The following EHBP1 variants were observed in gnomAD, a reference collection of about 807,000 sequenced individuals.
EHBP1 encodes the protein EH domain-binding protein 1.
EHBP1 carries 55 observed loss-of-function variants against 144.0 expected under a neutral mutation model. The ratio of observed to expected loss-of-function variants is 0.38; its 90% CI spans 0.31 to 0.48. EHBP1 has a LOEUF of 0.48. Ranked by LOEUF, EHBP1 falls within the 20% of genes least tolerant of loss-of-function variation. The pLI, the probability that EHBP1 is intolerant of heterozygous loss-of-function variation, is 0.98. For missense variants in EHBP1, 1,200 were observed against 1,364.2 expected (o/e 0.88, Z 1.90); for synonymous variants, 469 against 472.7 (o/e 0.99, Z 0.10).
chr2:62,970,548 A>C (rs980525744), intron 14 of EHBP1, among the ~76,000 whole-genome samples: 5 of 152,176 alleles, frequency 3.3e-5, no homozygotes, highest in Non-Finnish European at 7.4e-5. Context: ...CATGTTTCTT[A>C]ATGATCTCAG....
At chr2:63,017,492 T>G (rs2060532073) in intron 19 of EHBP1, among the ~76,000 whole-genome samples, 1 of 152,216 alleles carries the variant, frequency 6.6e-6, no homozygotes, top group African/African-American at 2.4e-5. Flanking sequence ...AGAATTAAAT[T>G]AGATACTTTA....
upstream of EHBP1, among the ~76,000 whole-genome samples, chr2:62,703,480 G>T (rs2034338424): frequency 6.6e-6 from 1 of 152,148 alleles, no homozygotes; most frequent in African/African-American, 2.4e-5. Context: ...GTTATAGGGG[G>T]AAGAAGTAGC....
At chr2:62,832,867 G>C (rs904835198) in intron 7 of EHBP1, among the ~76,000 whole-genome samples, 66 of 152,130 alleles carry the variant, frequency 4.3e-4, no homozygotes, top group Non-Finnish European at 4.7e-4. Context: ...AGGAAGAGTT[G>C]CATGTATTTT....
At chr2:62,694,790 C>T (rs1044276988) in intron 1 of EHBP1, among the ~76,000 whole-genome samples, 8 of 152,076 alleles carry the variant, frequency 5.3e-5, no homozygotes, top group Admixed American at 3.9e-4. Flanking sequence ...CTTTTTTCTT[C>T]GACTTGCTCC....
chr2:62,813,673 T>C (rs1235877308), intron 5 of EHBP1, among the ~76,000 whole-genome samples: 3 of 152,200 alleles, frequency 2.0e-5, no homozygotes, highest in Non-Finnish European at 4.4e-5. Context: ...GTGGCTTTGC[T>C]CATGTGCCCC....
intron 1 of EHBP1, among the ~76,000 whole-genome samples, chr2:62,683,300 T>G (rs1273661754): frequency 1.3e-5 from 2 of 152,204 alleles, no homozygotes; most frequent in African/African-American, 4.8e-5. Context: ...CACAAGTTCC[T>G]AAGTTGAATT....
At chr2:62,768,810 T>G (rs1255623400) in intron 4 of EHBP1, among the ~76,000 whole-genome samples, 2 of 152,162 alleles carry the variant, frequency 1.3e-5, no homozygotes, top group Admixed American at 1.3e-4. Context: ...AAAAAGCTAA[T>G]CTACCACGAT....
rs1018566928 is a variant in EHBP1, at chr2:63,034,758, G to A, written c.3104-2777G>A. Among the ~76,000 whole-genome samples the A allele has an allele frequency of 3.3e-5, 5 of 151,216 alleles. No homozygotes were observed. The South Asian group carries it at 6.3e-4, about 19-fold the overall frequency. ...ATGCTTCATGCATATTCAAAGTACC[G>A]CACTGACAGCTCTTTAATGAGCTCT... On this transcript the variant is annotated intron_variant, in intron 19 of 22. Coordinates refer to ENST00000431489, the MANE Select transcript of EHBP1 (RefSeq NM_001142616.3).
chr2:62,771,442 T>C lies in EHBP1; in HGVS notation c.312+50T>C, dbSNP rs1350986682. The C allele has an allele frequency of 3.5e-6, 5 of 1,420,472 alleles. No homozygotes were observed. In the South Asian group the frequency reaches 6.9e-5, roughly 20 times the overall value. 88.0% of individuals were successfully genotyped at this position (1,420,472 alleles called of 1,614,324 possible). A position where few individuals can be genotyped will look rare whatever the true frequency, so the allele number is the denominator to read the frequency against. On this transcript the variant is annotated intron_variant, in intron 5 of 22. Transcript: ENST00000431489. ...CCTTTCACATTTTCAACTTTATATA[T>C]GCATTATTAAGGTACATTGGCATTT...
At chr2:62,849,355 C>T (rs2048518603) in intron 7 of EHBP1, among the ~76,000 whole-genome samples, 1 of 152,168 alleles carries the variant, frequency 6.6e-6, no homozygotes, top group South Asian at 2.1e-4. Flanking sequence ...CCTTTTCAGC[C>T]AAGATCAAAC....
chr2:62,971,639 T>G (rs2058500440), intron 14 of EHBP1, among the ~76,000 whole-genome samples: 2 of 152,162 alleles, frequency 1.3e-5, no homozygotes, highest in Non-Finnish European at 2.9e-5. Context: ...ATATATGACC[T>G]TGGGCGGTAT....
At chr2:62,733,378 G>A (rs1449274116) in intron 2 of EHBP1, among the ~76,000 whole-genome samples, 2 of 152,036 alleles carry the variant, frequency 1.3e-5, no homozygotes, top group Non-Finnish European at 2.9e-5. Flanking sequence ...TCCTAACTGA[G>A]GTCTGAGTTG....
chr2:62,832,270 T>G (rs912582927), intron 7 of EHBP1, among the ~76,000 whole-genome samples: 2 of 151,996 alleles, frequency 1.3e-5, no homozygotes, highest in African/African-American at 2.4e-5. Flanking sequence ...ATTATTGAGG[T>G]TTTTTATTTG....
At position 62,889,047 on chromosome 2, in the gene EHBP1, C is replaced by CTTTTTTT. The variant is rs71410971; in HGVS notation, c.1185+14543_1185+14549dup. On this transcript the variant is annotated intron_variant, in intron 10 of 22. Transcript: ENST00000431489. ...TCATAAATTTTGGCAGTAGGTACCT[C>CTTTTTTT]TTTTTTTTTTTTTTTTTTTTTTTTT... Among the ~76,000 whole-genome samples the CTTTTTTT allele has an allele frequency of 5.8e-3, 230 of 39,736 alleles. 37 individuals carry two copies. The highest frequency in any genetic ancestry group is 0.015 in the Admixed American group (30 of 2,012). The allele number at this position is 39,736 out of a possible 152,430, so 26.1% of individuals were successfully genotyped here. A position where few individuals can be genotyped will look rare whatever the true frequency, so the allele number is the denominator to read the frequency against.
chr2:62,995,882 G>T (rs930002238), intron 18 of EHBP1, among the ~76,000 whole-genome samples: 2 of 151,880 alleles, frequency 1.3e-5, no homozygotes, highest in Non-Finnish European at 2.9e-5. Flanking sequence ...AAACATGGAT[G>T]GTTCAAAAAG....
At chr2:62,998,254 C>T (rs2059718715) in intron 19 of EHBP1, among the ~76,000 whole-genome samples, 1 of 152,004 alleles carries the variant, frequency 6.6e-6, no homozygotes, top group South Asian at 2.1e-4. Flanking sequence ...CATGCTCAGT[C>T]TTATACCTAT....
chr2:62,870,667 G>C (rs2050389882), intron 9 of EHBP1, among the ~76,000 whole-genome samples: 1 of 134,882 alleles, frequency 7.4e-6, no homozygotes, highest in African/African-American at 2.8e-5. Flanking sequence ...AGTGAGCCCA[G>C]ATCATGCCAC....
intron 14 of EHBP1, among the ~76,000 whole-genome samples, chr2:62,957,870 TCTC>T (rs1173391937): frequency 6.6e-6 from 1 of 151,986 alleles, no homozygotes; most frequent in Non-Finnish European, 1.5e-5. Context: ...ATGGTCTTGA[TCTC>T]CTGACCTCGT....
In EHBP1 at chr2:62,983,601, C is replaced by T. The variant is rs11897183; in HGVS notation, c.2608+4266C>T. On this transcript the variant is annotated intron_variant, in intron 15 of 22. Coordinates refer to ENST00000431489, the MANE Select transcript of EHBP1 (RefSeq NM_001142616.3). Reference sequence around the variant, plus strand: ...TGTTGCCCAAGCTGGAGTGCAATGGCGCTATCTCAGCTCACTGCAACCTCC... The same window carrying T: ...TGTTGCCCAAGCTGGAGTGCAATGGTGCTATCTCAGCTCACTGCAACCTCC... Among the ~76,000 whole-genome samples, 325 of 152,262 alleles carry T rather than the reference C, an allele frequency of 2.1e-3. 3 individuals are homozygous for T. Among genetic ancestry groups the T allele is most frequent in the African/African-American group, 6.7e-3 (280 of 41,544 alleles).
Sources: allele counts gnomAD v4.1 joint callset (sites outside exome capture counted in the v4.1 genomes callset), GRCh38; gene constraint gnomAD v4.1.1; transcripts MANE v1.5; gene names NCBI Gene and HGNC (gene_info 2026-07-23, HGNC 2026-07-21).